MARCHF1: variants seen among roughly 807,000 people sequenced by gnomAD.
MARCHF1 encodes the protein E3 ubiquitin-protein ligase MARCHF1.
A neutral mutation model predicts 54.2 loss-of-function variants in MARCHF1; 40 were observed. The observed-to-expected ratio is 0.74, with a 90% CI of 0.57 to 0.96. The LOEUF (loss-of-function observed/expected upper bound fraction) is 0.96, where lower values mean the gene tolerates loss of function less well. MARCHF1 is among the 40% of genes least tolerant of loss of function. The probability of loss-of-function intolerance (pLI) is 0.00; values close to 1 mark genes in which losing one functional copy is unlikely to be tolerated. For synonymous variants in MARCHF1, 236 were observed against 236.3 expected (o/e 1.00, Z 0.01); for missense variants, 586 against 656.5 (o/e 0.89, Z 1.17).
chr4:164,117,855 C>T (rs1238153226), intron 1 of MARCHF1, among the ~76,000 whole-genome samples: 1 of 151,788 alleles, frequency 6.6e-6, no homozygotes, highest in African/African-American at 2.4e-5. Flanking sequence ...AGCCGAGATC[C>T]ACCACTGCAC....
chr4:163,537,171 A>G (rs1252258236), intron 9 of MARCHF1, among the ~76,000 whole-genome samples: 1 of 152,142 alleles, frequency 6.6e-6, no homozygotes, highest in Non-Finnish European at 1.5e-5. Context: ...CTTTAAGGAC[A>G]TCTTGAGAGG....
At chr4:163,536,820 T>C (rs1203857104) in intron 9 of MARCHF1, among the ~76,000 whole-genome samples, 1 of 152,056 alleles carries the variant, frequency 6.6e-6, no homozygotes, top group Non-Finnish European at 1.5e-5. Context: ...CCCTCCACTT[T>C]CCTTCACAAG....
In MARCHF1 at chr4:164,303,733, C is replaced by T. The variant is rs974538901; in HGVS notation, c.-323+80137G>A. Among the ~76,000 whole-genome samples, 30 of 60,886 alleles carry T rather than the reference C, an allele frequency of 4.9e-4. 1 individual carries two copies. The highest frequency in any genetic ancestry group is 4.0e-4 in the Admixed American group (2 of 5,052). The allele number at this position is 60,886 out of a possible 152,430, so 39.9% of individuals were successfully genotyped here. On this transcript the variant is annotated intron_variant, in intron 1 of 9. Coordinates refer to ENST00000514618, the MANE Select transcript of MARCHF1 (RefSeq NM_001394959.1). ...ACCACAGCCACTGCACCCACACACC[C>T]CAATCACCCATCGCCTCCCCAACAC...
chr4:163,852,642 C>T (rs990024899), intron 4 of MARCHF1, among the ~76,000 whole-genome samples: 1 of 152,104 alleles, frequency 6.6e-6, no homozygotes, highest in Non-Finnish European at 1.5e-5. Context: ...CTCTCCATAC[C>T]TTCAGCCCTC....
intron 5 of MARCHF1, among the ~76,000 whole-genome samples, chr4:163,696,843 C>T (rs139559827): frequency 0.014 from 2,086 of 152,214 alleles, 25 homozygotes; most frequent in South Asian, 0.044. Context: ...GAAGTGATGG[C>T]TCTCCGAATT....
At chr4:164,165,945 CT>C (rs1226139159) in intron 1 of MARCHF1, among the ~76,000 whole-genome samples, 1 of 151,830 alleles carries the variant, frequency 6.6e-6, no homozygotes, top group African/African-American at 2.4e-5. Flanking sequence ...ATTTCAGTTG[CT>C]TTTTTTCATT....
At chr4:163,533,281 A>G (rs1015948572) in intron 9 of MARCHF1, among the ~76,000 whole-genome samples, 1 of 152,006 alleles carries the variant, frequency 6.6e-6, no homozygotes, top group Non-Finnish European at 1.5e-5. Context: ...GATTCCAACT[A>G]TGTGACATTC....
At chr4:163,967,120 A>G (rs1446422400) in intron 3 of MARCHF1, among the ~76,000 whole-genome samples, 1 of 152,158 alleles carries the variant, frequency 6.6e-6, no homozygotes, top group Non-Finnish European at 1.5e-5. Flanking sequence ...ACTTGAAAGA[A>G]GAAATGTCTT....
intron 4 of MARCHF1, among the ~76,000 whole-genome samples, chr4:163,793,685 C>T (rs1019576156): frequency 1.3e-5 from 2 of 152,116 alleles, no homozygotes; most frequent in Non-Finnish European, 2.9e-5. Context: ...AAGATTGACC[C>T]CTGACCTAAT....
chr4:164,026,714 A>G (rs1168954774), intron 2 of MARCHF1, among the ~76,000 whole-genome samples: 1 of 152,130 alleles, frequency 6.6e-6, no homozygotes, highest in African/African-American at 2.4e-5. Flanking sequence ...CCTATTCAAC[A>G]TAGTACTGGA....
At chr4:163,858,187 C>G (rs1407377286) in intron 3 of MARCHF1, among the ~76,000 whole-genome samples, 1 of 152,088 alleles carries the variant, frequency 6.6e-6, no homozygotes, top group East Asian at 1.9e-4. Context: ...ACACCATGAG[C>G]ATGGTACGCC....
At chr4:163,684,960 C>T (rs1744221756) in intron 5 of MARCHF1, among the ~76,000 whole-genome samples, 1 of 152,220 alleles carries the variant, frequency 6.6e-6, no homozygotes, top group Admixed American at 6.5e-5. Context: ...GTAAGCTGCA[C>T]ACTAAAGTAC....
chr4:164,072,902 G>A (rs1754899204), intron 2 of MARCHF1, among the ~76,000 whole-genome samples: 2 of 152,064 alleles, frequency 1.3e-5, no homozygotes, highest in African/African-American at 2.4e-5. Context: ...AAGACAACAG[G>A]AACAATTAGC....
chr4:163,575,297 C>T (rs557821396), intron 8 of MARCHF1, among the ~76,000 whole-genome samples: 1 of 152,160 alleles, frequency 6.6e-6, no homozygotes, highest in Admixed American at 6.5e-5. Flanking sequence ...GCTTTTTCTG[C>T]ATCTATTGAG....
At chr4:163,720,453 A>C (rs1438094852) in intron 4 of MARCHF1, among the ~76,000 whole-genome samples, 2 of 152,190 alleles carry the variant, frequency 1.3e-5, no homozygotes, top group East Asian at 3.9e-4. Context: ...GTTTGAAGTC[A>C]GGTAGTGTGA....
chr4:164,249,389 A>G (rs1733056829), intron 1 of MARCHF1, among the ~76,000 whole-genome samples: 1 of 152,050 alleles, frequency 6.6e-6, no homozygotes, highest in Admixed American at 6.6e-5. Flanking sequence ...GGCAGAGAGG[A>G]GCATAAATAA....
intron 7 of MARCHF1, among the ~76,000 whole-genome samples, chr4:163,593,501 A>G (rs1211550966): frequency 6.6e-6 from 1 of 152,222 alleles, no homozygotes; most frequent in Non-Finnish European, 1.5e-5. Context: ...AAAATTATGC[A>G]GTTATAACCT....
At chr4:164,331,186 T>C (rs184680287) in intron 1 of MARCHF1, among the ~76,000 whole-genome samples, 3 of 152,250 alleles carry the variant, frequency 2.0e-5, no homozygotes, top group Admixed American at 6.5e-5. Flanking sequence ...TTACCTTTTA[T>C]AATCTTAGAG....
intron 9 of MARCHF1, among the ~76,000 whole-genome samples, chr4:163,536,434 C>T (rs1277189029): frequency 1.3e-5 from 2 of 152,080 alleles, no homozygotes; most frequent in African/African-American, 2.4e-5. Context: ...GAGGTCATTT[C>T]CAGCTGGAAA....
Sources: allele counts gnomAD v4.1 joint callset (sites outside exome capture counted in the v4.1 genomes callset), GRCh38; gene constraint gnomAD v4.1.1; transcripts MANE v1.5; gene names NCBI Gene and HGNC (gene_info 2026-07-23, HGNC 2026-07-21).